The following ATG3 variants were observed in gnomAD, a reference collection of about 807,000 sequenced individuals.
ATG3 encodes autophagy related 3.
ATG3 carries 25 observed loss-of-function variants against 50.7 expected under a neutral mutation model. That is an observed-to-expected ratio of 0.49 (90% CI 0.36 to 0.69). ATG3 has a LOEUF of 0.69. ATG3 is among the 30% of genes least tolerant of loss of function. ATG3 has a pLI of 0.00. For synonymous variants in ATG3, 119 were observed against 125.5 expected, an observed-to-expected ratio of 0.95 and a Z score of 0.34; for missense variants, 281 against 376.0, an observed-to-expected ratio of 0.75 and a Z score of 2.09.
chr3:112,559,792 A>G lies in ATG3; in HGVS notation c.73-1375T>C, dbSNP rs537368691. Among the ~76,000 whole-genome samples the G allele has an allele frequency of 5.9e-5, 9 of 152,364 alleles. No homozygotes were observed. The East Asian group carries it at 1.7e-3, about 29-fold the overall frequency. Reference sequence around the variant, plus strand: ...AGCAGATGAGATTGGGGCCTCTACCAATTAAGCAGAACCTTAGAGATGATT... The same window carrying G: ...AGCAGATGAGATTGGGGCCTCTACCGATTAAGCAGAACCTTAGAGATGATT... On this transcript the variant is annotated intron_variant, in intron 1 of 11. Transcript: ENST00000283290.
intron 11 of ATG3, chr3:112,533,752 GAA>G (rs2082572510): frequency 1.0e-6 from 1 of 985,192 alleles, no homozygotes; most frequent in Admixed American, 6.2e-5. Context: ...GTCAATCCAA[GAA>G]AACTGAGTAG....
chr3:112,537,039 C>T (rs553101623), intron 9 of ATG3, among the ~76,000 whole-genome samples: 30 of 149,918 alleles, frequency 2.0e-4, no homozygotes, highest in African/African-American at 6.9e-4. Context: ...ACATCACTTG[C>T]AATTTAGAAT....
chr3:112,539,294 G>T (rs1164776123), intron 7 of ATG3, among the ~76,000 whole-genome samples: 1 of 152,134 alleles, frequency 6.6e-6, no homozygotes, highest in African/African-American at 2.4e-5. Context: ...AGACCTTATA[G>T]AATCTGGTCC....
Position 112,553,426 on chromosome 3 carries a change from G to A in ATG3, c.115-97C>T, listed in dbSNP as rs981611896. The A allele has an allele frequency of 8.3e-6, 8 of 962,864 alleles. No homozygotes were observed. The African/African-American group carries it at 1.1e-4, about 14-fold the overall frequency. 59.6% of individuals were successfully genotyped at this position (962,864 alleles called of 1,614,324 possible). ...GCAAAATACCAAACTGATGGCACTAGGTAACACTGAAATCCAGTAAGCAAT... is the reference window on the plus strand; with the variant it reads ...GCAAAATACCAAACTGATGGCACTAAGTAACACTGAAATCCAGTAAGCAAT... On this transcript the variant is annotated intron_variant, in intron 2 of 11. Transcript: ENST00000283290.
intron 10 of ATG3, chr3:112,535,240 G>A (rs1327635350): frequency 1.3e-5 from 2 of 152,146 alleles, no homozygotes; most frequent in African/African-American, 4.8e-5. Context: ...CTTAGAATAT[G>A]AGAGTAAATG....
intron 3 of ATG3, among the ~76,000 whole-genome samples, 182 bp from the exon 4 acceptor site, chr3:112,550,444 C>T (rs1469456196): frequency 6.6e-6 from 1 of 152,026 alleles, no homozygotes; most frequent in African/African-American, 2.4e-5. Flanking sequence ...AAAAGCACAA[C>T]AATAATCTAA....
chr3:112,548,256 G>A (rs527389217), intron 5 of ATG3, among the ~76,000 whole-genome samples: 1 of 152,284 alleles, frequency 6.6e-6, no homozygotes, highest in South Asian at 2.1e-4. Flanking sequence ...GGAGGCTGAG[G>A]CAGGAGAATC....
intron 5 of ATG3, among the ~76,000 whole-genome samples, chr3:112,545,138 A>T (rs1183675742): frequency 6.6e-6 from 1 of 152,222 alleles, no homozygotes; most frequent in Non-Finnish European, 1.5e-5. Context: ...CCTATGAAGA[A>T]ATGAAGTCAC....
chr3:112,547,367 T>C (rs1681111535), intron 5 of ATG3, among the ~76,000 whole-genome samples: 4 of 151,660 alleles, frequency 2.6e-5, no homozygotes, highest in Admixed American at 6.6e-5. Flanking sequence ...GACTTAAACT[T>C]AGAGCACATT....
intron 9 of ATG3, among the ~76,000 whole-genome samples, chr3:112,537,148 C>A (rs1056924008): frequency 6.6e-6 from 1 of 152,016 alleles, no homozygotes; most frequent in East Asian, 1.9e-4. Flanking sequence ...ACAGCTACCC[C>A]CAATGCAGAA....
At chr3:112,546,664 G>A (rs1291871209) in intron 5 of ATG3, among the ~76,000 whole-genome samples, 1 of 152,136 alleles carries the variant, frequency 6.6e-6, no homozygotes, top group Admixed American at 6.5e-5. Context: ...GGGAAACTGA[G>A]TTGAAAAAGG....
chr3:112,548,649 A>C lies in ATG3; in HGVS notation c.236-9T>G. On this transcript the variant is annotated splice_polypyrimidine_tract_variant and intron_variant, in intron 4 of 11. Coordinates refer to ENST00000283290, the MANE Select transcript of ATG3 (RefSeq NM_022488.5). ...CCGCTTATAGCACGGCACTATAAAA[A>C]AAATGGTAAATACAGTTAACTAGCA... is the stretch of plus-strand genomic sequence containing the variant. The C allele has an allele frequency of 6.2e-7, 1 of 1,607,828 alleles. No individual in the cohort carries two copies. The highest frequency in any genetic ancestry group is 1.1e-5 in the South Asian group (1 of 90,978).
chr3:112,548,665 T>C, intron 4 of ATG3, 25 bp from the exon 5 acceptor site: 2 of 1,581,304 alleles, frequency 1.3e-6, no homozygotes, highest in Non-Finnish European at 1.7e-6. Flanking sequence ...GTAAATACAG[T>C]TAACTAGCAC....
chr3:112,553,744 A>G (rs1362564482), intron 2 of ATG3, among the ~76,000 whole-genome samples: 2 of 152,314 alleles, frequency 1.3e-5, no homozygotes, highest in South Asian at 2.1e-4. Context: ...TAAAAATCTG[A>G]AAAAAATTAC....
chr3:112,538,825 G>T (rs999248734), intron 7 of ATG3, among the ~76,000 whole-genome samples: 8 of 152,108 alleles, frequency 5.3e-5, no homozygotes, highest in Admixed American at 6.5e-5. Flanking sequence ...TGCGGACTTG[G>T]ATTATTTATT....
rs576410184 is a variant in ATG3 at position 112,549,481 on chromosome 3, ATGT to A, written c.235+708_235+710del. Among the ~76,000 whole-genome samples the A allele has an allele frequency of 9.2e-5, 14 of 152,300 alleles. No homozygotes were observed. In the South Asian group the frequency reaches 2.9e-3, roughly 32 times the overall value. The stretch of plus-strand genomic sequence containing the variant: ...AGTTAGGAACTATAACAACCTTTTG[ATGT>A]TGTTTTTAAATTTAACTTCATAAAT... On this transcript the variant is annotated intron_variant, in intron 4 of 11. Coordinates refer to ENST00000283290, the MANE Select transcript of ATG3 (RefSeq NM_022488.5).
chr3:112,532,912 A>T (rs982783379), intron 11 of ATG3, 132 bp from the exon 12 acceptor site: 2 of 1,314,544 alleles, frequency 1.5e-6, no homozygotes, highest in African/African-American at 3.1e-5. Context: ...TAAGTCTATT[A>T]AAGAATTCAA....
At position 112,537,892 on chromosome 3, in the gene ATG3, T is replaced by C; in HGVS notation, c.511-2A>G. 6.3e-7 allele frequency: 1 copy of C among 1,593,052 alleles called. No individual in the cohort carries two copies. The highest frequency in any genetic ancestry group is 8.5e-7 in the Non-Finnish European group (1 of 1,173,354). ...TATTTTCCTTGTATCTAGGGTAGCCTGAAAATAATAAAAGAGAAAAATTTA... is the reference window on the plus strand; with the variant it reads ...TATTTTCCTTGTATCTAGGGTAGCCCGAAAATAATAAAAGAGAAAAATTTA... On this transcript the variant is annotated splice_acceptor_variant, in intron 8 of 11. Coordinates refer to ENST00000283290, the MANE Select transcript of ATG3 (RefSeq NM_022488.5). LOFTEE classifies it high-confidence loss of function.
chr3:112,535,087 A>G (rs988146100), intron 10 of ATG3: 1 of 152,108 alleles, frequency 6.6e-6, no homozygotes, highest in Non-Finnish European at 1.5e-5. Context: ...GTACTATAGA[A>G]AAGAGTGATA....
Sources: gnomAD v4.1 joint callset for allele counts (sites outside exome capture counted in the v4.1 genomes callset) on GRCh38, gnomAD v4.1.1 for gene constraint, MANE v1.5 for transcripts, NCBI Gene and HGNC (gene_info 2026-07-23, HGNC 2026-07-21) for gene names.